Variants in SDK1 observed in about 807,000 individuals in gnomAD.
SDK1 encodes protein sidekick-1.
In SDK1, 157 loss-of-function variants were observed where a neutral mutation model predicts 245.5. That is an observed-to-expected ratio of 0.64 (90% CI 0.56 to 0.73). SDK1 has a LOEUF of 0.73. Among genes scored for constraint, SDK1 ranks in the 30% least tolerant of loss-of-function variants. SDK1 has a pLI of 0.00. For missense variants in SDK1, 3,583 were observed against 3,002.3 expected, an observed-to-expected ratio of 1.19 and a Z score of -4.52; for synonymous variants, 1,647 against 1,278.5, an observed-to-expected ratio of 1.29 and a Z score of -6.15.
chr7:4,252,288 A>G (rs956917481), intron 44 of SDK1, among the ~76,000 whole-genome samples: 2 of 143,102 alleles, frequency 1.4e-5, no homozygotes, highest in Non-Finnish European at 3.0e-5. Context: ...ATTCCCACCT[A>G]TGAGTGAGAA....
At chr7:3,584,082 G>A (rs1398057182) in intron 1 of SDK1, among the ~76,000 whole-genome samples, 1 of 152,146 alleles carries the variant, frequency 6.6e-6, no homozygotes, top group Admixed American at 6.5e-5. Flanking sequence ...GAAAGACATC[G>A]ATTTGAATAC....
intron 5 of SDK1, among the ~76,000 whole-genome samples, chr7:3,907,543 T>A (rs1157766360): frequency 1.3e-5 from 2 of 152,242 alleles, no homozygotes; most frequent in Non-Finnish European, 2.9e-5. Context: ...TGTTTCTGCC[T>A]ATTGGCTCTT....
chr7:3,558,651 G>A (rs1779660939), intron 1 of SDK1, among the ~76,000 whole-genome samples: 2 of 152,206 alleles, frequency 1.3e-5, no homozygotes, highest in African/African-American at 2.4e-5. Flanking sequence ...TAGAGCGACC[G>A]CTGGGATCCA....
intron 1 of SDK1, among the ~76,000 whole-genome samples, chr7:3,574,207 C>G (rs2141825): frequency 0.17 from 25,353 of 151,556 alleles, 2,553 homozygotes; most frequent in East Asian, 0.35. Context: ...ACCTCCACCT[C>G]CTAGATTCAA....
intron 5 of SDK1, among the ~76,000 whole-genome samples, chr7:3,923,618 A>G (rs1215486050): frequency 6.6e-6 from 1 of 152,222 alleles, no homozygotes; most frequent in East Asian, 1.9e-4. Flanking sequence ...TGTCTTCACA[A>G]GTCCTCCAGG....
chr7:3,442,313 C>A (rs1397780351), intron 1 of SDK1, among the ~76,000 whole-genome samples: 3 of 152,146 alleles, frequency 2.0e-5, no homozygotes, highest in Non-Finnish European at 4.4e-5. Context: ...AGCCAAGGTT[C>A]AACTCGTGTA....
chr7:3,778,428 A>G (rs1583404462), intron 4 of SDK1, among the ~76,000 whole-genome samples: 1 of 151,992 alleles, frequency 6.6e-6, no homozygotes, highest in African/African-American at 2.4e-5. Flanking sequence ...TTCCCATTGC[A>G]CGGTTTCTTA....
Position 3,951,837 on chromosome 7 carries a change from A to T in SDK1, c.1067A>T (p.Asp356Val), listed in dbSNP as rs1780855944. 1 of 1,613,854 alleles carries T rather than the reference A, an allele frequency of 6.2e-7. No homozygotes were observed. The highest frequency in any genetic ancestry group is 1.3e-5 in the African/African-American group (1 of 75,044). Reference sequence around the variant, plus strand: ...ACCATCAGCAACCCGACGTCCGCGGACACCGGGCCATACGTCTGCGAGGCG... The same window carrying T: ...ACCATCAGCAACCCGACGTCCGCGGTCACCGGGCCATACGTCTGCGAGGCG... ...RLTISNPTSA[D>V]TGPYVCEAAL... The change falls in exon 7 of 45, where the codon GAC (aspartate) becomes GTC (valine). Residue 356 changes from aspartate (D) to valine (V), a missense_variant. Asp to Val is a radical substitution (Grantham distance 152, BLOSUM62 -3). Transcript: ENST00000404826.
At chr7:3,392,973 TTTTTTTTC>T (rs1343279917) in intron 1 of SDK1, among the ~76,000 whole-genome samples, 20 of 135,948 alleles carry the variant, frequency 1.5e-4, no homozygotes, top group African/African-American at 2.0e-4. Context: ...TTTTTTTTTT[TTTTTTTTC>T]TTTTTTGAGA....
intron 13 of SDK1, among the ~76,000 whole-genome samples, chr7:3,981,103 A>G (rs985235664): frequency 3.3e-5 from 5 of 152,226 alleles, no homozygotes; most frequent in East Asian, 1.9e-4. Context: ...AATTTTTCCA[A>G]CGGCACCTGC....
intron 1 of SDK1, among the ~76,000 whole-genome samples, chr7:3,543,044 C>T (rs1416237398): frequency 1.3e-5 from 2 of 152,180 alleles, no homozygotes; most frequent in East Asian, 1.9e-4. Flanking sequence ...TTGTTCTCAT[C>T]TCCATCTGGG....
chr7:4,119,272 A>G (rs1208947547), intron 25 of SDK1, among the ~76,000 whole-genome samples: 1 of 148,024 alleles, frequency 6.8e-6, no homozygotes, highest in African/African-American at 2.5e-5. Context: ...GCAAGACCCC[A>G]TCTCTACAAA....
At chr7:4,106,746 TCTCCCGGGCAGC>T in intron 22 of SDK1, among the ~76,000 whole-genome samples, 1 of 152,180 alleles carries the variant, frequency 6.6e-6, no homozygotes, top group Admixed American at 6.5e-5. Context: ...CGTGCCTTTC[TCTCCCGGGCAGC>T]CTCCCGGGCC....
chr7:3,998,365 T>C (rs921146842), intron 14 of SDK1, among the ~76,000 whole-genome samples: 1 of 152,272 alleles, frequency 6.6e-6, no homozygotes, highest in Non-Finnish European at 1.5e-5. Flanking sequence ...GATACTGACT[T>C]GAATGAGCAG....
At chr7:3,454,453 G>T (rs1197605545) in intron 1 of SDK1, among the ~76,000 whole-genome samples, 1 of 148,066 alleles carries the variant, frequency 6.8e-6, no homozygotes, top group East Asian at 2.0e-4. Context: ...ATGCAATTCT[G>T]TTACAGGTGT....
chr7:3,334,193 TGAG>T (rs1477490904), intron 1 of SDK1, among the ~76,000 whole-genome samples: 1 of 152,162 alleles, frequency 6.6e-6, no homozygotes, highest in Non-Finnish European at 1.5e-5. Context: ...TAGATTGAAG[TGAG>T]TCAATCTGCA....
intron 35 of SDK1, among the ~76,000 whole-genome samples, chr7:4,182,954 A>G (rs1467137399): frequency 6.6e-6 from 1 of 152,246 alleles, no homozygotes; most frequent in Non-Finnish European, 1.5e-5. Context: ...GAGTTTAATT[A>G]GAGCCCAGCC....
intron 5 of SDK1, among the ~76,000 whole-genome samples, chr7:3,862,863 G>A (rs1177256404): frequency 6.6e-6 from 1 of 152,170 alleles, no homozygotes. Flanking sequence ...TCAGGCATTA[G>A]ATTCTCATAA....
intron 1 of SDK1, among the ~76,000 whole-genome samples, chr7:3,504,252 C>T (rs1482936135): frequency 1.4e-5 from 2 of 143,310 alleles, no homozygotes; most frequent in East Asian, 2.1e-4. Flanking sequence ...CAGCTGGATG[C>T]TGCTGTTGTT....
Sources: allele counts gnomAD v4.1 joint callset (sites outside exome capture counted in the v4.1 genomes callset), GRCh38; gene constraint gnomAD v4.1.1; transcripts MANE v1.5; gene names NCBI Gene and HGNC (gene_info 2026-07-23, HGNC 2026-07-21).